FAP: variants seen among roughly 807,000 people sequenced by gnomAD.
FAP encodes the protein prolyl endopeptidase FAP.
FAP carries 110 observed loss-of-function variants against 126.5 expected under a neutral mutation model. The ratio of observed to expected loss-of-function variants is 0.87; its 90% CI spans 0.74 to 1.02. The LOEUF is 1.02. FAP is among the 50% of genes least tolerant of loss of function. The pLI is 0.00. For missense variants in FAP, 919 were observed against 909.2 expected (o/e 1.01, Z -0.14); for synonymous variants, 334 against 297.3 (o/e 1.12, Z -1.27).
chr2:162,209,880 C>T, intron 12 of FAP, 72 bp downstream of exon 12: 1 of 1,387,850 alleles, frequency 7.2e-7, no homozygotes. Flanking sequence ...GGGTACATTG[C>T]AAATAGTCCT....
intron 13 of FAP, 34 bp from the exon 14 acceptor site, chr2:162,202,976 T>C (rs1427865351): frequency 6.2e-7 from 1 of 1,605,354 alleles, no homozygotes; most frequent in African/African-American, 1.3e-5. Context: ...TGTGTGAAAC[T>C]GAGCGTTATT....
intron 2 of FAP, among the ~76,000 whole-genome samples, chr2:162,229,919 A>T (rs3788970): frequency 1.8e-4 from 27 of 152,180 alleles, no homozygotes; most frequent in African/African-American, 6.5e-4. Flanking sequence ...GCCATAATGA[A>T]AATAATCCTC....
intron 17 of FAP, 151 bp downstream of exon 17, chr2:162,194,550 C>A (rs879176992): frequency 1.2e-5 from 8 of 659,788 alleles, no homozygotes; most frequent in Non-Finnish European, 1.9e-5. Flanking sequence ...AAATAATATC[C>A]AAATCTGTGC....
chr2:162,202,336 G>A lies in FAP; in HGVS notation c.1223+536C>T, dbSNP rs143966462. Among the ~76,000 whole-genome samples the A allele has an allele frequency of 2.0e-5, 3 of 152,364 alleles. No homozygotes were observed. In the East Asian group the frequency reaches 5.8e-4, roughly 29 times the overall value. ...ATGCTTTAGGATTGAATCCTAGTCT[G>A]CTACTAACTAACTGTGGCCTTTGGC... is the stretch of plus-strand genomic sequence containing the variant. On this transcript the variant is annotated intron_variant, in intron 14 of 25. Coordinates refer to ENST00000188790, the MANE Select transcript of FAP (RefSeq NM_004460.5).
intron 6 of FAP, among the ~76,000 whole-genome samples, chr2:162,220,760 A>G (rs1243570877): frequency 1.3e-5 from 2 of 152,182 alleles, no homozygotes; most frequent in African/African-American, 4.8e-5. Flanking sequence ...TTCAGCAAGA[A>G]TGCATTCAGA....
intron 15 of FAP, among the ~76,000 whole-genome samples, chr2:162,199,442 C>T (rs1688402725): frequency 6.6e-6 from 1 of 152,192 alleles, no homozygotes; most frequent in South Asian, 2.1e-4. Flanking sequence ...ATGCCCCCTC[C>T]ACACAGTCTA....
At chr2:162,187,483 A>G (rs1335439395) in intron 20 of FAP, among the ~76,000 whole-genome samples, 1 of 152,238 alleles carries the variant, frequency 6.6e-6, no homozygotes, top group Admixed American at 6.5e-5. Flanking sequence ...AATTATTTGC[A>G]CAGTGTTTCT....
At chr2:162,189,074 GT>G in intron 19 of FAP, 28 bp downstream of exon 19, 2 of 1,430,618 alleles carry the variant, frequency 1.4e-6, no homozygotes, top group Non-Finnish European at 9.7e-7. Flanking sequence ...TCAGTAAATA[GT>G]TTTTACACCA....
intron 20 of FAP, 50 bp downstream of exon 20, chr2:162,188,119 G>T (rs764274693): frequency 1.4e-6 from 2 of 1,403,494 alleles, no homozygotes; most frequent in Admixed American, 1.7e-5. Context: ...AATAGTGATT[G>T]CATGACTTTT....
rs764004050 is a variant in FAP, at chr2:162,194,713, G to A, written c.1438C>T (p.Arg480Cys). The change falls in exon 17 of 26, where the codon CGC becomes TGC. Residue 480 changes from arginine to cysteine, a missense_variant. Physicochemically the swap from Arg to Cys is radical, Grantham distance 180 (BLOSUM62 -3). Coordinates refer to ENST00000188790, the MANE Select transcript of FAP (RefSeq NM_004460.5). ...CAAGAGAGAGTACCTTGATCAGTGC[G>A]TCCATCATGAAGGGTGGAAATGGGG... is the stretch of plus-strand genomic sequence containing the variant. ...GIPISTLHDG[R>C]TDQEIKILEE... The A allele has an allele frequency of 1.5e-5, 24 of 1,613,386 alleles. No homozygotes were observed. Among genetic ancestry groups the A allele is most frequent in the Admixed American group, 1.2e-4 (7 of 59,954 alleles).
chr2:162,219,761 T>G, intron 7 of FAP, 92 bp downstream of exon 7: 1 of 837,984 alleles, frequency 1.2e-6, no homozygotes, highest in Admixed American at 2.2e-5. Flanking sequence ...GTATTTTTTT[T>G]TCTTTCAGGC....
intron 20 of FAP, among the ~76,000 whole-genome samples, chr2:162,187,633 T>C (rs1389771306): frequency 2.0e-5 from 3 of 152,120 alleles, no homozygotes; most frequent in African/African-American, 7.2e-5. Context: ...GTTTTCATAA[T>C]ATAATTTCTG....
chr2:162,227,077 GTTCAGATTTCAACTGA>G (rs1184519169), intron 2 of FAP, among the ~76,000 whole-genome samples: 1 of 152,092 alleles, frequency 6.6e-6, no homozygotes, highest in Non-Finnish European at 1.5e-5. Flanking sequence ...TATAGGTTTG[GTTCAGATTTCAACTGA>G]TTTATCAATG....
chr2:162,242,391 A>T (rs1308777450), intron 2 of FAP, among the ~76,000 whole-genome samples: 1 of 152,208 alleles, frequency 6.6e-6, no homozygotes, highest in Non-Finnish European at 1.5e-5. Context: ...TTTGATGTGC[A>T]GTGCTACTAC....
chr2:162,194,717 A>G lies in FAP; in HGVS notation c.1434T>C (p.Asp478=), dbSNP rs1559769678. ...AGAGAGTACCTTGATCAGTGCGTCC[A>G]TCATGAAGGGTGGAAATGGGGATGC... is the stretch of plus-strand genomic sequence containing the variant. ...GPGIPISTLH[D]GRTDQEIKIL... The change falls in exon 17 of 26, where the codon GAT becomes GAC. Residue 478 remains aspartate, a synonymous_variant. Coordinates refer to ENST00000188790, the MANE Select transcript of FAP (RefSeq NM_004460.5). 1 of 1,613,716 alleles carries G rather than the reference A, an allele frequency of 6.2e-7. No homozygotes were observed. The highest frequency in any genetic ancestry group is 8.5e-7 in the Non-Finnish European group (1 of 1,179,712).
chr2:162,226,912 G>A (rs1689678047), intron 2 of FAP, among the ~76,000 whole-genome samples: 1 of 152,100 alleles, frequency 6.6e-6, no homozygotes, highest in Admixed American at 6.6e-5. Flanking sequence ...GAGTAGCTGG[G>A]GCATGATTCT....
chr2:162,243,401 A>T lies in FAP; in HGVS notation c.-74T>A, dbSNP rs1272993775. 1.3e-6 allele frequency: 2 copies of T among 1,574,394 alleles called. No homozygotes were observed. The highest frequency in any genetic ancestry group is 2.8e-5 in the African/African-American group (2 of 72,290). On this transcript the variant is annotated 5_prime_UTR_variant, in exon 1 of 26. Transcript: ENST00000188790. Reference sequence around the variant, plus strand: ...GTCACTGGATCTGTGAAAACCGTTGAAAAGGACCAAGTCTGTCTTTGTAGT... The same window carrying T: ...GTCACTGGATCTGTGAAAACCGTTGTAAAGGACCAAGTCTGTCTTTGTAGT...
chr2:162,216,215 G>A (rs939280692), intron 9 of FAP, among the ~76,000 whole-genome samples: 21 of 152,172 alleles, frequency 1.4e-4, no homozygotes, highest in African/African-American at 5.1e-4. Flanking sequence ...AAAACTATGT[G>A]TTTTAACTGC....
chr2:162,242,016 C>G (rs1043312283), intron 2 of FAP, among the ~76,000 whole-genome samples: 1 of 152,168 alleles, frequency 6.6e-6, no homozygotes, highest in African/African-American at 2.4e-5. Context: ...TCTTCATTTA[C>G]TATCAGTTAA....
Sources: allele counts gnomAD v4.1 joint callset (sites outside exome capture counted in the v4.1 genomes callset), GRCh38; gene constraint gnomAD v4.1.1; transcripts MANE v1.5; gene names NCBI Gene and HGNC (gene_info 2026-07-23, HGNC 2026-07-21).